WASF3: variants seen among roughly 807,000 people sequenced by gnomAD.
The protein encoded by WASF3 is actin-binding protein WASF3.
In WASF3, 11 loss-of-function variants were observed where a neutral mutation model predicts 46.6. That is an observed-to-expected ratio of 0.24 (90% CI 0.15 to 0.39). The LOEUF (loss-of-function observed/expected upper bound fraction) is 0.39. WASF3 is among the 10% of genes least tolerant of loss of function. WASF3 has a pLI of 1.00. For missense variants in WASF3, 576 were observed against 669.8 expected (o/e 0.86, Z 1.55); for synonymous variants, 242 against 259.7 (o/e 0.93, Z 0.65).
intron 1 of WASF3, among the ~76,000 whole-genome samples, chr13:26,599,791 A>T (rs537511873): frequency 1.3e-5 from 2 of 152,264 alleles, no homozygotes; most frequent in South Asian, 2.1e-4. Context: ...TTTGTGTTCT[A>T]TCCACATTTT....
At chr13:26,633,892 G>A (rs1881734257) in intron 2 of WASF3, among the ~76,000 whole-genome samples, 1 of 152,160 alleles carries the variant, frequency 6.6e-6, no homozygotes, top group African/African-American at 2.4e-5. Context: ...CATTTGCTGA[G>A]GAGTGCTTTA....
At chr13:26,644,859 G>A (rs187701441) in intron 3 of WASF3, among the ~76,000 whole-genome samples, 10 of 152,256 alleles carry the variant, frequency 6.6e-5, no homozygotes, top group Middle Eastern at 6.8e-3. Flanking sequence ...GAGCGAGACC[G>A]CAAGGCCCAC....
intron 2 of WASF3, among the ~76,000 whole-genome samples, chr13:26,633,465 A>G (rs1881721875): frequency 6.6e-6 from 1 of 152,082 alleles, no homozygotes; most frequent in East Asian, 1.9e-4. Flanking sequence ...CGGCCTCCCA[A>G]AGTGCTGGGA....
At chr13:26,562,404 G>A (rs762290442) in intron 1 of WASF3, among the ~76,000 whole-genome samples, 6 of 152,150 alleles carry the variant, frequency 3.9e-5, no homozygotes, top group Non-Finnish European at 8.8e-5. Context: ...GGAGGGGGAG[G>A]CCAGTTTGTA....
chr13:26,555,249 T>C (rs1879071283), upstream of WASF3, among the ~76,000 whole-genome samples: 1 of 149,372 alleles, frequency 6.7e-6, no homozygotes, highest in Non-Finnish European at 1.5e-5. Context: ...GAAAATTGGA[T>C]TGTTTTTTAA....
chr13:26,541,623 CT>C, the WASF3 span, among the ~76,000 whole-genome samples: 4 of 148,186 alleles, frequency 2.7e-5, no homozygotes, highest in Non-Finnish European at 6.0e-5. Context: ...TGGGTTTCTC[CT>C]TTCTATATCC....
At chr13:26,583,420 T>A (rs1436199433) in intron 1 of WASF3, among the ~76,000 whole-genome samples, 1 of 152,220 alleles carries the variant, frequency 6.6e-6, no homozygotes, top group Non-Finnish European at 1.5e-5. Context: ...TTTATTATTT[T>A]GTTTTTACTC....
intron 1 of WASF3, among the ~76,000 whole-genome samples, chr13:26,561,061 G>T (rs1488028485): frequency 6.6e-6 from 1 of 152,152 alleles, no homozygotes; most frequent in East Asian, 1.9e-4. Flanking sequence ...CAGGAGTTCA[G>T]TCCAGTGGGG....
At position 26,557,760 on chromosome 13, in the gene WASF3, C is replaced by G. The variant is rs1315056630; in HGVS notation, c.-168C>G. The stretch of plus-strand genomic sequence containing the variant: ...AGGCGGGTGCGCCGGGCGGCCGCGG[C>G]GCGGCGGGACCATGGAGCTCAGAGC... On this transcript the variant is annotated 5_prime_UTR_variant, in exon 1 of 10. Coordinates refer to ENST00000335327, the MANE Select transcript of WASF3 (RefSeq NM_006646.6). The G allele has an allele frequency of 1.6e-5, 4 of 243,786 alleles. No homozygotes were observed. Among genetic ancestry groups the G allele is most frequent in the Non-Finnish European group, 3.1e-5 (4 of 129,026 alleles). The allele number at this position is 243,786 out of a possible 1,614,324, so 15.1% of individuals were successfully genotyped here. A position where few individuals can be genotyped will look rare whatever the true frequency, so the allele number is the denominator to read the frequency against.
At chr13:26,562,018 G>A (rs918953120) in intron 1 of WASF3, among the ~76,000 whole-genome samples, 1 of 152,166 alleles carries the variant, frequency 6.6e-6, no homozygotes, top group African/African-American at 2.4e-5. Context: ...AAGTTGTTAG[G>A]ACATTAAGTA....
At chr13:26,662,014 G>A (rs117932151) in intron 3 of WASF3, among the ~76,000 whole-genome samples, 3,016 of 152,308 alleles carry the variant, frequency 0.02, 68 homozygotes, top group South Asian at 0.095. Flanking sequence ...CAGAGCAGCT[G>A]TGCAGAAGCA....
chr13:26,580,032 C>T (rs1198385574), intron 1 of WASF3, among the ~76,000 whole-genome samples: 1 of 152,008 alleles, frequency 6.6e-6, no homozygotes, highest in East Asian at 1.9e-4. Flanking sequence ...TTATTTTTAG[C>T]TCATTAGCTG....
intron 3 of WASF3, 92 bp downstream of exon 3, chr13:26,642,495 C>T: frequency 2.9e-6 from 4 of 1,401,734 alleles, no homozygotes; most frequent in Non-Finnish European, 3.8e-6. Context: ...GAAGAGATTG[C>T]AGCTTTAAGG....
the WASF3 span, among the ~76,000 whole-genome samples, chr13:26,552,440 A>C: frequency 6.7e-6 from 1 of 150,254 alleles, no homozygotes; most frequent in African/African-American, 2.5e-5. Context: ...TCCAGCAAAT[A>C]TTTTATTCTT....
At chr13:26,550,598 C>G in the WASF3 span, among the ~76,000 whole-genome samples, 1 of 152,182 alleles carries the variant, frequency 6.6e-6, no homozygotes, top group South Asian at 2.1e-4. Context: ...AATTCAAGAG[C>G]TCATGGTCTT....
chr13:26,661,552 T>C (rs1000727904), intron 3 of WASF3, among the ~76,000 whole-genome samples: 3 of 152,248 alleles, frequency 2.0e-5, no homozygotes, highest in Non-Finnish European at 4.4e-5. Flanking sequence ...CCACCTCTGC[T>C]ACTGTGAATA....
In WASF3 at chr13:26,672,877, A is replaced by AAC. The variant is rs575476147; in HGVS notation, c.540+890_540+891dup. On this transcript the variant is annotated intron_variant, in intron 6 of 9. Transcript: ENST00000335327. ...AGCATTAAAGGGAAGAGAACATGAG[A>AAC]ACAGTTTGCAGACTGTGCTGTTGTA... Among the ~76,000 whole-genome samples, 42 of 152,284 alleles carry AAC rather than the reference A, an allele frequency of 2.8e-4. No homozygotes were observed. The East Asian group carries it at 7.3e-3, about 27-fold the overall frequency.
intron 1 of WASF3, among the ~76,000 whole-genome samples, chr13:26,568,366 T>C (rs73491018): frequency 0.014 from 2,131 of 152,176 alleles, 51 homozygotes; most frequent in African/African-American, 0.048. Flanking sequence ...CTTAGTAGAA[T>C]AGCAGAAGAA....
chr13:26,618,989 T>C (rs1881224429), intron 2 of WASF3: 1 of 152,182 alleles, frequency 6.6e-6, no homozygotes, highest in Non-Finnish European at 1.5e-5. Context: ...TTGGAGGTTA[T>C]CTATCATTTG....
Sources: gnomAD v4.1 joint callset for allele counts (sites outside exome capture counted in the v4.1 genomes callset) on GRCh38, gnomAD v4.1.1 for gene constraint, MANE v1.5 for transcripts, NCBI Gene and HGNC (gene_info 2026-07-23, HGNC 2026-07-21) for gene names.